EXT1: variants seen among roughly 807,000 people sequenced by gnomAD.
The protein encoded by EXT1 is exostosin-1.
A neutral mutation model predicts 82.5 loss-of-function variants in EXT1; 20 were observed. The observed-to-expected ratio is 0.24, with a 90% confidence interval of 0.17 to 0.35. The LOEUF is 0.35. Among genes scored for constraint, EXT1 ranks in the 10% least tolerant of loss-of-function variants. EXT1 has a pLI of 1.00. For missense variants in EXT1, 757 were observed against 936.5 expected (o/e 0.81, Z 2.50); for synonymous variants, 348 against 350.8 (o/e 0.99, Z 0.09).
intron 6 of EXT1, among the ~76,000 whole-genome samples, chr8:117,819,161 C>T (rs1039693401): frequency 6.6e-6 from 1 of 152,158 alleles, no homozygotes; most frequent in African/African-American, 2.4e-5. Flanking sequence ...GAAAAACCAC[C>T]GTTCAATATG....
intron 1 of EXT1, among the ~76,000 whole-genome samples, chr8:117,944,706 A>T (rs1274851811): frequency 6.6e-6 from 1 of 152,240 alleles, no homozygotes; most frequent in East Asian, 1.9e-4. Context: ...AAGAATACAC[A>T]TATTAAAAGA....
At chr8:117,950,443 A>T (rs773944811) in intron 1 of EXT1, among the ~76,000 whole-genome samples, 4 of 152,200 alleles carry the variant, frequency 2.6e-5, no homozygotes, top group Non-Finnish European at 5.9e-5. Context: ...CACATTTTAC[A>T]TCAGATAATG....
At chr8:117,833,342 C>T (rs770662496) in intron 3 of EXT1, among the ~76,000 whole-genome samples, 7 of 152,138 alleles carry the variant, frequency 4.6e-5, no homozygotes, top group East Asian at 1.9e-4. Context: ...AGTGGCTGGG[C>T]GCGCTGGCTC....
At chr8:118,098,219 C>T (rs1817654536) in intron 1 of EXT1, among the ~76,000 whole-genome samples, 1 of 152,160 alleles carries the variant, frequency 6.6e-6, no homozygotes, top group Non-Finnish European at 1.5e-5. Context: ...GGAAGTGTGC[C>T]TGCTACACGT....
At chr8:117,887,167 C>G (rs535846559) in intron 1 of EXT1, among the ~76,000 whole-genome samples, 2 of 152,208 alleles carry the variant, frequency 1.3e-5, no homozygotes, top group African/African-American at 4.8e-5. Flanking sequence ...TGTTTATGTT[C>G]TAGACCATAC....
rs112360195 is a variant in EXT1, at chr8:117,904,196, T to G, written c.963-66995A>C. Reference sequence around the variant, plus strand: ...ACTTCTCAAATATGAAACTTTGTCCTATTTCCAGGACTACAATTATCTGGA... The same window carrying G: ...ACTTCTCAAATATGAAACTTTGTCCGATTTCCAGGACTACAATTATCTGGA... On this transcript the variant is annotated intron_variant, in intron 1 of 10. Coordinates refer to ENST00000378204, the MANE Select transcript of EXT1 (RefSeq NM_000127.3). Among the ~76,000 whole-genome samples, 26 of 152,348 alleles carry G rather than the reference T, an allele frequency of 1.7e-4. No homozygotes were observed. In the South Asian group the frequency reaches 2.3e-3, roughly 13 times the overall value.
rs190031632 is a variant in EXT1 at position 118,072,391 on chromosome 8, T to A, written c.962+37694A>T. ...TGTGAGAGCCATTTTCTCCATTCCA[T>A]AGCACATAATCTGCTCTACATAATT... On this transcript the variant is annotated intron_variant, in intron 1 of 10. Transcript: ENST00000378204. 2.3e-4 allele frequency among the ~76,000 whole-genome samples: 35 copies of A among 152,350 alleles called. 2 individuals carry two copies. In the East Asian group the frequency reaches 4.8e-3, roughly 21 times the overall value.
At chr8:118,008,114 C>T (rs1815817031) in intron 1 of EXT1, among the ~76,000 whole-genome samples, 1 of 152,210 alleles carries the variant, frequency 6.6e-6, no homozygotes, top group Admixed American at 6.5e-5. Flanking sequence ...GTTCCCCTCC[C>T]TGTGTCCATG....
At chr8:118,085,502 T>C (rs1817401961) in intron 1 of EXT1, among the ~76,000 whole-genome samples, 1 of 149,856 alleles carries the variant, frequency 6.7e-6, no homozygotes, top group Non-Finnish European at 1.5e-5. Context: ...TTTTGGTTGA[T>C]TGGTCATCTT....
intron 1 of EXT1, among the ~76,000 whole-genome samples, chr8:117,956,344 A>G (rs937892509): frequency 2.6e-5 from 4 of 152,188 alleles, no homozygotes; most frequent in African/African-American, 9.7e-5. Context: ...TTTCCTGACT[A>G]CTGGTGGAAG....
At chr8:117,800,154 C>T (rs1355115252) in intron 10 of EXT1, among the ~76,000 whole-genome samples, 2 of 152,214 alleles carry the variant, frequency 1.3e-5, no homozygotes, top group Non-Finnish European at 2.9e-5. Flanking sequence ...AATTTATTGA[C>T]TAATTCTCTG....
intron 1 of EXT1, among the ~76,000 whole-genome samples, chr8:118,080,860 A>G (rs1003983667): frequency 3.3e-5 from 5 of 152,160 alleles, no homozygotes; most frequent in African/African-American, 4.8e-5. Flanking sequence ...TGTGGTTCCC[A>G]TTCTGGTTTC....
chr8:117,932,515 T>C (rs546712914), intron 1 of EXT1, among the ~76,000 whole-genome samples: 3 of 152,236 alleles, frequency 2.0e-5, no homozygotes, highest in Admixed American at 6.5e-5. Flanking sequence ...TACGTAAAAA[T>C]GGGAATCCCA....
At chr8:117,929,250 C>T (rs907315730) in intron 1 of EXT1, among the ~76,000 whole-genome samples, 2 of 152,144 alleles carry the variant, frequency 1.3e-5, no homozygotes, top group Non-Finnish European at 2.9e-5. Flanking sequence ...GGTAAAGAAA[C>T]GCACAGGTAG....
intron 1 of EXT1, among the ~76,000 whole-genome samples, chr8:117,843,324 C>T (rs372857323): frequency 3.9e-5 from 6 of 152,126 alleles, no homozygotes; most frequent in East Asian, 1.9e-4. Flanking sequence ...GATTAGTCAG[C>T]GAGAGGAGTG....
chr8:118,063,590 G>T (rs926709044), intron 1 of EXT1, among the ~76,000 whole-genome samples: 2 of 152,210 alleles, frequency 1.3e-5, no homozygotes, highest in Non-Finnish European at 2.9e-5. Flanking sequence ...TCTTGAAAAT[G>T]AATTGCTTCA....
chr8:118,019,566 A>T (rs760747730), intron 1 of EXT1, among the ~76,000 whole-genome samples: 3 of 152,224 alleles, frequency 2.0e-5, no homozygotes, highest in Non-Finnish European at 2.9e-5. Flanking sequence ...GTGACTATTC[A>T]TCGTACATCG....
chr8:117,844,580 C>T (rs1021226898), intron 1 of EXT1, among the ~76,000 whole-genome samples: 1 of 152,040 alleles, frequency 6.6e-6, no homozygotes, highest in Non-Finnish European at 1.5e-5. Flanking sequence ...GAAAATGGGT[C>T]CAACTGGCCA....
chr8:117,942,145 T>C (rs1191289900), intron 1 of EXT1, among the ~76,000 whole-genome samples: 1 of 152,170 alleles, frequency 6.6e-6, no homozygotes, highest in Non-Finnish European at 1.5e-5. Flanking sequence ...AAAATCCAAT[T>C]CTTCTACTCT....
Sources: allele counts gnomAD v4.1 joint callset (sites outside exome capture counted in the v4.1 genomes callset), GRCh38; gene constraint gnomAD v4.1.1; transcripts MANE v1.5; gene names NCBI Gene and HGNC (gene_info 2026-07-23, HGNC 2026-07-21).